FANCD2OS: variants seen among roughly 807,000 people sequenced by gnomAD.
The protein encoded by FANCD2OS is FANCD2 opposite strand.
A neutral mutation model predicts 13.2 loss-of-function variants in FANCD2OS; 11 were observed. The ratio of observed to expected loss-of-function variants is 0.83; its 90% CI spans 0.52 to 1.38. FANCD2OS has a LOEUF of 1.38. Among genes scored for constraint, FANCD2OS ranks in the 40% most tolerant of loss-of-function variants. FANCD2OS has a pLI of 0.00. For missense variants in FANCD2OS, 217 were observed against 213.9 expected, an observed-to-expected ratio of 1.01 and a Z score of -0.09; for synonymous variants, 69 against 84.5, an observed-to-expected ratio of 0.82 and a Z score of 1.01.
intron 2 of FANCD2OS, among the ~76,000 whole-genome samples, chr3:10,081,970 G>A (rs899752790): frequency 1.1e-4 from 16 of 152,278 alleles, no homozygotes; most frequent in African/African-American, 3.9e-4. Context: ...TGGGCTCTCT[G>A]TTCTCATTAT....
chr3:10,105,775 TATATATATATATATATATATATATATATA>T (rs1438968296), intron 1 of FANCD2OS, among the ~76,000 whole-genome samples: 8 of 10,258 alleles, frequency 7.8e-4, no homozygotes, highest in African/African-American at 5.0e-3. Flanking sequence ...AAAAAAATTA[TATATATATATATATATATATATATATATA>T]TATATATATA....
At chr3:10,088,634 T>C (rs914046293) in intron 2 of FANCD2OS, 4 of 1,121,964 alleles carry the variant, frequency 3.6e-6, no homozygotes, top group South Asian at 1.3e-5. Context: ...ACCTTTTTAG[T>C]GGGAATTTGA....
At chr3:10,096,888 T>A (rs1032604632) in intron 2 of FANCD2OS, among the ~76,000 whole-genome samples, 1 of 152,328 alleles carries the variant, frequency 6.6e-6, no homozygotes, top group Admixed American at 6.5e-5. Context: ...TAATCTCTTA[T>A]TGGGGGACCT....
At chr3:10,082,907 CAA>C (rs199541123) in intron 2 of FANCD2OS, among the ~76,000 whole-genome samples, 5,282 of 152,238 alleles carry the variant, frequency 0.035, 138 homozygotes, top group Middle Eastern at 0.12. Flanking sequence ...AACAATTTAT[CAA>C]AGAGACTTAT....
chr3:10,099,066 T>G, downstream of FANCD2OS: 1 of 1,567,156 alleles, frequency 6.4e-7, no homozygotes, highest in South Asian at 1.2e-5. Flanking sequence ...ATTTTCTGCA[T>G]TATAGCCTCT....
At chr3:10,091,802 T>A (rs1467845983) in intron 2 of FANCD2OS, among the ~76,000 whole-genome samples, 1 of 152,136 alleles carries the variant, frequency 6.6e-6, no homozygotes, top group Non-Finnish European at 1.5e-5. Context: ...CATAGAAGAA[T>A]CAGCAACTAC....
chr3:10,102,546 T>G (rs535674945), downstream of FANCD2OS, among the ~76,000 whole-genome samples: 1 of 152,106 alleles, frequency 6.6e-6, no homozygotes, highest in Non-Finnish European at 1.5e-5. Context: ...AAAAAAAAGC[T>G]GGGCGCGGTG....
At chr3:10,087,773 C>A (rs1694309741) in intron 2 of FANCD2OS, among the ~76,000 whole-genome samples, 2 of 152,092 alleles carry the variant, frequency 1.3e-5, no homozygotes, top group African/African-American at 4.8e-5. Context: ...CTCAGCCTTT[C>A]AAGTAGCTGG....
intron 1 of FANCD2OS, among the ~76,000 whole-genome samples, chr3:10,105,815 TA>T (rs1559415303): frequency 8.6e-5 from 7 of 81,026 alleles, no homozygotes; most frequent in East Asian, 3.0e-4. Context: ...TATATATATA[TA>T]TATATTTTGA....
At chr3:10,097,285 C>G (rs894057399) in intron 2 of FANCD2OS, among the ~76,000 whole-genome samples, 1 of 152,190 alleles carries the variant, frequency 6.6e-6, no homozygotes, top group Non-Finnish European at 1.5e-5. Flanking sequence ...ATCAACAGGT[C>G]TGACCAAAAT....
In FANCD2OS at chr3:10,090,319, G is replaced by A. The variant is rs775831214; in HGVS notation, c.*44-8788C>T. On this transcript the variant is annotated intron_variant, in intron 2 of 2. Coordinates refer to the FANCD2OS transcript ENST00000524279. ...ATACTTTTGTTGTTTTCTTCCGTGT[G>A]ATGATGGCTGAACTAGAGAAGACGG... 5.6e-6 allele frequency: 9 copies of A among 1,613,322 alleles called. No homozygotes were observed. Among genetic ancestry groups the A allele is most frequent in the South Asian group, 4.4e-5 (4 of 91,064 alleles).
chr3:10,083,149 C>G (rs1471587413), intron 2 of FANCD2OS, among the ~76,000 whole-genome samples: 1 of 152,002 alleles, frequency 6.6e-6, no homozygotes, highest in African/African-American at 2.4e-5. Context: ...ATGGCTTGAG[C>G]CTGTGAGGCA....
chr3:10,090,440 CTGAT>C, intron 2 of FANCD2OS: 7 of 552,948 alleles, frequency 1.3e-5, no homozygotes, highest in Middle Eastern at 4.9e-4. Context: ...TTGGAAGTTG[CTGAT>C]TTTTTTTTTT....
At chr3:10,096,450 A>AT in intron 2 of FANCD2OS, 1 of 1,614,162 alleles carries the variant, frequency 6.2e-7, no homozygotes, top group Non-Finnish European at 8.5e-7. Flanking sequence ...TGGCTGGGCA[A>AT]TCTAAAAAAC....
In FANCD2OS at chr3:10,081,409, A is replaced by G. The variant is rs570454054; in HGVS notation, c.*166T>C. Reference sequence around the variant, plus strand: ...AGGAGTGAAAGTTCAGGAGTACCACATAATGTCTTCCTGCTATCAGAGGCT... The same window carrying G: ...AGGAGTGAAAGTTCAGGAGTACCACGTAATGTCTTCCTGCTATCAGAGGCT... On this transcript the variant is annotated 3_prime_UTR_variant, in exon 3 of 3. Transcript: ENST00000524279. 2 of 1,614,170 alleles carry G rather than the reference A, an allele frequency of 1.2e-6. No homozygotes were observed. Among genetic ancestry groups the G allele is most frequent in the Admixed American group, 1.7e-5 (1 of 60,016 alleles).
At chr3:10,094,192 G>C in intron 2 of FANCD2OS, 1 of 878,302 alleles carries the variant, frequency 1.1e-6, no homozygotes, top group Non-Finnish European at 1.9e-6. Context: ...ATATAAATAA[G>C]AAAATAAAAC....
intron 2 of FANCD2OS, chr3:10,096,210 C>T (rs1694948992): frequency 1.1e-5 from 11 of 1,004,260 alleles, no homozygotes; most frequent in Admixed American, 6.9e-5. Context: ...TGGAACATAC[C>T]GTTGGCCCAT....
intron 2 of FANCD2OS, among the ~76,000 whole-genome samples, chr3:10,092,639 G>T (rs1694710900): frequency 1.4e-5 from 2 of 141,284 alleles, no homozygotes. Flanking sequence ...TGCTCAGCTT[G>T]TTCCCCCAGC....
At chr3:10,081,560 C>G in intron 2 of FANCD2OS, 1 of 901,612 alleles carries the variant, frequency 1.1e-6, no homozygotes, top group Non-Finnish European at 1.9e-6. Flanking sequence ...AGAAAAGGTT[C>G]AAAAATCTTA....
Sources: gnomAD v4.1 joint callset for allele counts (sites outside exome capture counted in the v4.1 genomes callset) on GRCh38, gnomAD v4.1.1 for gene constraint, MANE v1.5 for transcripts, NCBI Gene and HGNC (gene_info 2026-07-23, HGNC 2026-07-21) for gene names.